CHD6: variants seen among roughly 807,000 people sequenced by gnomAD.
CHD6 encodes the protein ATP-dependent chromatin remodeler CHD6.
A neutral mutation model predicts 276.9 loss-of-function variants in CHD6; 50 were observed. That is an observed-to-expected ratio of 0.18 (90% CI 0.14 to 0.23). The LOEUF is 0.23. CHD6 is among the 10% of genes least tolerant of loss of function. The pLI, the probability that CHD6 is intolerant of heterozygous loss-of-function variation, is 1.00. For missense variants in CHD6, 2,564 were observed against 3,365.8 expected (o/e 0.76, Z 5.89); for synonymous variants, 1,173 against 1,229.3 (o/e 0.95, Z 0.96).
intron 10 of CHD6, among the ~76,000 whole-genome samples, chr20:41,492,085 A>C (rs1300774399): frequency 6.6e-6 from 1 of 152,190 alleles, no homozygotes; most frequent in Non-Finnish European, 1.5e-5. Flanking sequence ...CCGTCACTGC[A>C]TTACACCACA....
chr20:41,484,743 C>T (rs574134161), intron 14 of CHD6, 136 bp from the exon 15 acceptor site: 8 of 889,512 alleles, frequency 9.0e-6, no homozygotes, highest in African/African-American at 3.4e-5. Flanking sequence ...AGATTATGAT[C>T]GACCCCTGAA....
At chr20:41,592,214 C>A (rs777098159) in intron 1 of CHD6, among the ~76,000 whole-genome samples, 12 of 151,800 alleles carry the variant, frequency 7.9e-5, no homozygotes, top group Non-Finnish European at 1.6e-4. Flanking sequence ...AAAAACAAAA[C>A]AAAACAAAAA....
At chr20:41,492,537 T>A (rs1008951893) in intron 10 of CHD6, among the ~76,000 whole-genome samples, 3 of 152,198 alleles carry the variant, frequency 2.0e-5, no homozygotes, top group Non-Finnish European at 4.4e-5. Flanking sequence ...CATATAAAAA[T>A]GGCAATGTTT....
At chr20:41,409,185 C>T (rs550135055) in intron 36 of CHD6, among the ~76,000 whole-genome samples, 2 of 152,310 alleles carry the variant, frequency 1.3e-5, no homozygotes, top group African/African-American at 2.4e-5. Flanking sequence ...CAGCTTTAAC[C>T]ATGTCCTGTG....
rs770583120 is a variant in CHD6, at chr20:41,451,024, T to C, written c.3605A>G (p.Asp1202Gly). Reference protein sequence around the residue: ...QLLIPELKDADWLATCNPEVV... With the variant: ...QLLIPELKDAGWLATCNPEVV... ...CTCGGGGTTGCAGGTGGCTAGCCAA[T>C]CTGCATCCTTTAGCTCTGGGATTAG... is the stretch of plus-strand genomic sequence containing the variant. Residue 1202 changes from aspartate (D) to glycine (G), a missense_variant, in exon 23 of 37, where the codon GAT (aspartate) becomes GGT (glycine). Around this residue, in one of 7 missense-constraint regions of CHD6, gnomAD observed 515 missense variants for 739.5 expected, o/e 0.70. Transcript: ENST00000373233. 38 of 1,613,688 alleles carry C rather than the reference T, an allele frequency of 2.4e-5. No individual in the cohort carries two copies. Among genetic ancestry groups the C allele is most frequent in the Non-Finnish European group, 2.9e-5 (34 of 1,179,676 alleles).
chr20:41,559,570 G>A (rs2045279651), intron 1 of CHD6, among the ~76,000 whole-genome samples: 1 of 151,958 alleles, frequency 6.6e-6, no homozygotes, highest in Non-Finnish European at 1.5e-5. Flanking sequence ...CCCTCTGATT[G>A]CAGGCTTCTA....
intron 16 of CHD6, among the ~76,000 whole-genome samples, chr20:41,475,445 T>C (rs1324014410): frequency 2.0e-5 from 3 of 152,050 alleles, no homozygotes; most frequent in African/African-American, 7.2e-5. Flanking sequence ...AGAAGAGAAA[T>C]GGAGAATACA....
chr20:41,566,994 C>T (rs1426175019), intron 1 of CHD6, among the ~76,000 whole-genome samples: 2 of 152,206 alleles, frequency 1.3e-5, no homozygotes. Context: ...TCTTAGCTAA[C>T]TAACTAGTTC....
intron 17 of CHD6, among the ~76,000 whole-genome samples, chr20:41,464,043 C>A (rs1040044168): frequency 1.3e-5 from 2 of 151,854 alleles, no homozygotes; most frequent in Admixed American, 1.3e-4. Flanking sequence ...TGAGAAAGGG[C>A]AAAAATGATA....
chr20:41,498,799 ATGTATGTATGTATGTGTG>A (rs1222821733), intron 6 of CHD6, among the ~76,000 whole-genome samples: 5,926 of 94,556 alleles, frequency 0.063, 410 homozygotes, highest in African/African-American at 0.26. Flanking sequence ...GTATGTATGT[ATGTATGTATGTATGTGTG>A]TGTGTGTGTG....
chr20:41,456,591 A>C (rs1428380085), intron 18 of CHD6, among the ~76,000 whole-genome samples: 2 of 152,202 alleles, frequency 1.3e-5, no homozygotes, highest in Non-Finnish European at 2.9e-5. Flanking sequence ...TATTATACTT[A>C]GCAACATATG....
intron 1 of CHD6, among the ~76,000 whole-genome samples, chr20:41,557,441 T>C (rs1601139877): frequency 6.6e-6 from 1 of 151,900 alleles, no homozygotes; most frequent in East Asian, 1.9e-4. Context: ...TATCTCTCTC[T>C]CCAGTCCAAA....
chr20:41,588,070 G>A (rs1217833549), intron 1 of CHD6, among the ~76,000 whole-genome samples: 4 of 152,044 alleles, frequency 2.6e-5, no homozygotes, highest in African/African-American at 9.7e-5. Flanking sequence ...GGATGAGGAA[G>A]CCAGTAGGTG....
intron 27 of CHD6, among the ~76,000 whole-genome samples, chr20:41,428,764 G>T (rs550321726): frequency 9.3e-4 from 142 of 152,310 alleles, no homozygotes; most frequent in Non-Finnish European, 1.5e-3. Flanking sequence ...AAAGAAGAGG[G>T]CAGGGGAGAT....
intron 23 of CHD6, 89 bp downstream of exon 23, chr20:41,450,857 A>C (rs1008548277): frequency 2.5e-6 from 3 of 1,210,086 alleles, no homozygotes; most frequent in Non-Finnish European, 3.6e-6. Flanking sequence ...GTAGCACAAG[A>C]GCATGAAGTG....
At chr20:41,606,048 G>C (rs887113935) in intron 1 of CHD6, among the ~76,000 whole-genome samples, 1 of 152,202 alleles carries the variant, frequency 6.6e-6, no homozygotes, top group African/African-American at 2.4e-5. Flanking sequence ...GGTTGACTCT[G>C]TCTCACCTTG....
chr20:41,596,873 G>A (rs999151086), intron 1 of CHD6, among the ~76,000 whole-genome samples: 3 of 152,066 alleles, frequency 2.0e-5, no homozygotes, highest in East Asian at 1.9e-4. Context: ...TGGAAAGATC[G>A]GCCTATAGAG....
chr20:41,555,382 C>A (rs1443070916), intron 1 of CHD6, among the ~76,000 whole-genome samples: 1 of 148,358 alleles, frequency 6.7e-6, no homozygotes, highest in Non-Finnish European at 1.5e-5. Context: ...CACCTCCCTC[C>A]CGGACGGGGC....
intron 5 of CHD6, among the ~76,000 whole-genome samples, chr20:41,503,360 T>A (rs6072391): frequency 0.26 from 39,585 of 152,104 alleles, 6,362 homozygotes; most frequent in East Asian, 0.49. Flanking sequence ...TGCAGTCACA[T>A]CATCTACAAC....
Sources: gnomAD v4.1 joint callset for allele counts (sites outside exome capture counted in the v4.1 genomes callset) on GRCh38, gnomAD v4.1.1 for gene constraint, gnomAD v4.1.1 regional missense constraint, MANE v1.5 for transcripts, NCBI Gene and HGNC (gene_info 2026-07-23, HGNC 2026-07-21) for gene names.